The following GALNT13 variants were observed in gnomAD, a reference collection of about 807,000 sequenced individuals.
GALNT13 encodes polypeptide N-acetylgalactosaminyltransferase 13, also known as UDP-GalNAc:polypeptide N-acetylgalactosaminyltransferase 13.
A neutral mutation model predicts 64.2 loss-of-function variants in GALNT13; 28 were observed. The observed-to-expected ratio is 0.44, with a 90% confidence interval of 0.32 to 0.60. The LOEUF (loss-of-function observed/expected upper bound fraction) is 0.60. Among genes scored for constraint, GALNT13 ranks in the 20% least tolerant of loss-of-function variants. The pLI is 0.05. For synonymous variants in GALNT13, 214 were observed against 224.6 expected (o/e 0.95, Z 0.42); for missense variants, 577 against 669.8 (o/e 0.86, Z 1.53).
chr2:153,511,352 G>A, the GALNT13 span, among the ~76,000 whole-genome samples: 1 of 152,090 alleles, frequency 6.6e-6, no homozygotes, highest in Non-Finnish European at 1.5e-5. Flanking sequence ...GATTAGGCGT[G>A]ATTCAAGCAG....
the GALNT13 span, among the ~76,000 whole-genome samples, chr2:153,243,985 G>A: frequency 6.6e-6 from 1 of 151,694 alleles, no homozygotes; most frequent in Non-Finnish European, 1.5e-5. Context: ...TTAAAAACTA[G>A]CATTATTATT....
At chr2:154,076,249 G>C (rs1286471696) in intron 3 of GALNT13, among the ~76,000 whole-genome samples, 1 of 151,710 alleles carries the variant, frequency 6.6e-6, no homozygotes, top group East Asian at 1.9e-4. Context: ...CATCATTTTA[G>C]TGCACATTGC....
intron 5 of GALNT13, 148 bp downstream of exon 5, chr2:154,242,344 T>A: frequency 1.5e-6 from 1 of 674,034 alleles, no homozygotes; most frequent in Non-Finnish European, 2.4e-6. Flanking sequence ...CCACAGCCTA[T>A]CAGATTCTCA....
chr2:154,313,200 CAT>C (rs1008943024), intron 9 of GALNT13, among the ~76,000 whole-genome samples: 8 of 148,928 alleles, frequency 5.4e-5, no homozygotes, highest in Non-Finnish European at 1.2e-4. Context: ...TATATGTACA[CAT>C]ATGTGTATAC....
At chr2:153,693,636 G>A in the GALNT13 span, among the ~76,000 whole-genome samples, 1 of 151,974 alleles carries the variant, frequency 6.6e-6, no homozygotes. Context: ...AGGAGAAAGG[G>A]CAAGCAGGAG....
intron 4 of GALNT13, among the ~76,000 whole-genome samples, chr2:154,210,827 A>C (rs1687717564): frequency 6.6e-6 from 1 of 152,156 alleles, no homozygotes; most frequent in Admixed American, 6.5e-5. Context: ...AAGTATAGTG[A>C]TGATAGATAA....
the GALNT13 span, among the ~76,000 whole-genome samples, chr2:153,637,603 C>T: frequency 6.6e-6 from 1 of 152,060 alleles, no homozygotes; most frequent in Non-Finnish European, 1.5e-5. Context: ...TTTGCATTTT[C>T]TTGGAGCCTT....
At chr2:153,617,575 ATC>A in the GALNT13 span, among the ~76,000 whole-genome samples, 4 of 151,916 alleles carry the variant, frequency 2.6e-5, no homozygotes, top group Non-Finnish European at 5.9e-5. Flanking sequence ...CTGGCCTTGT[ATC>A]AGTTTGGAAG....
the GALNT13 span, among the ~76,000 whole-genome samples, chr2:153,542,754 G>C: frequency 6.6e-6 from 1 of 152,182 alleles, no homozygotes; most frequent in Non-Finnish European, 1.5e-5. Flanking sequence ...CCTAGGAGAA[G>C]TTTCAGGAAT....
At chr2:153,875,526 C>T (rs1424072809) in intron 1 of GALNT13, among the ~76,000 whole-genome samples, 2 of 152,098 alleles carry the variant, frequency 1.3e-5, no homozygotes, top group Non-Finnish European at 2.9e-5. Context: ...ATGTTGTTAT[C>T]ATGCCAAGTT....
chr2:153,425,447 T>G, the GALNT13 span, among the ~76,000 whole-genome samples: 2 of 151,744 alleles, frequency 1.3e-5, no homozygotes, highest in Non-Finnish European at 3.0e-5. Context: ...GTGAAATGCA[T>G]TTGGATTTGG....
At chr2:154,335,519 T>C (rs755042999) in intron 9 of GALNT13, among the ~76,000 whole-genome samples, 1 of 152,012 alleles carries the variant, frequency 6.6e-6, no homozygotes, top group Non-Finnish European at 1.5e-5. Flanking sequence ...TTTCCTGTTG[T>C]ATAGGTGAGT....
At chr2:153,462,408 A>T in the GALNT13 span, among the ~76,000 whole-genome samples, 13,302 of 152,082 alleles carry the variant, frequency 0.087, 679 homozygotes, top group South Asian at 0.15. Context: ...TTCTTTTCAT[A>T]CTCTAATTTC....
the GALNT13 span, among the ~76,000 whole-genome samples, chr2:153,630,805 A>ATATTTATT: frequency 6.7e-5 from 1 of 15,004 alleles, no homozygotes; most frequent in Admixed American, 1.2e-3. Context: ...ATATATATAT[A>ATATTTATT]TATTTTTTTT....
chr2:154,370,314 C>A (rs1218787912), intron 9 of GALNT13, among the ~76,000 whole-genome samples: 4 of 152,018 alleles, frequency 2.6e-5, no homozygotes, highest in African/African-American at 9.7e-5. Context: ...TTTAAAACAA[C>A]AAAGTCTGAT....
intron 4 of GALNT13, among the ~76,000 whole-genome samples, chr2:154,237,933 A>G (rs1689284227): frequency 6.6e-6 from 1 of 152,032 alleles, no homozygotes; most frequent in Non-Finnish European, 1.5e-5. Context: ...AAGATTTGTT[A>G]TTGGGGGCAT....
intron 9 of GALNT13, among the ~76,000 whole-genome samples, chr2:154,359,469 C>T (rs1375149722): frequency 6.6e-6 from 1 of 152,086 alleles, no homozygotes; most frequent in Non-Finnish European, 1.5e-5. Flanking sequence ...AACTACCATT[C>T]ACCTACTGGA....
chr2:153,630,807 A>ATTTATTT, the GALNT13 span, among the ~76,000 whole-genome samples: 8 of 21,986 alleles, frequency 3.6e-4, no homozygotes, highest in African/African-American at 5.7e-4. Context: ...ATATATATAT[A>ATTTATTT]TTTTTTTTTT....
At chr2:154,224,536 G>A (rs1452854769) in intron 4 of GALNT13, among the ~76,000 whole-genome samples, 1 of 151,960 alleles carries the variant, frequency 6.6e-6, no homozygotes, top group African/African-American at 2.4e-5. Flanking sequence ...TTAAAAGATA[G>A]TATAAAGTTT....
Sources: gnomAD v4.1 joint callset for allele counts (sites outside exome capture counted in the v4.1 genomes callset) on GRCh38, gnomAD v4.1.1 for gene constraint, MANE v1.5 for transcripts, NCBI Gene and HGNC (gene_info 2026-07-23, HGNC 2026-07-21) for gene names.